Variants in SIRPB2 observed in about 807,000 individuals in gnomAD.
SIRPB2 encodes signal regulatory protein beta 2.
In SIRPB2, 18 loss-of-function variants were observed where a neutral mutation model predicts 27.1. The observed-to-expected ratio is 0.66, with a 90% confidence interval of 0.46 to 0.98. The LOEUF (loss-of-function observed/expected upper bound fraction) is 0.98, where lower values mean the gene tolerates loss of function less well. SIRPB2 is among the 50% of genes least tolerant of loss of function. The probability of loss-of-function intolerance (pLI) is 0.00; values close to 1 mark genes in which losing one functional copy is unlikely to be tolerated. For synonymous variants in SIRPB2, 150 were observed against 164.6 expected (o/e 0.91, Z 0.68); for missense variants, 420 against 417.4 (o/e 1.01, Z -0.06).
intron 4 of SIRPB2, 106 bp from the exon 5 acceptor site, chr20:1,476,442 T>C: frequency 8.7e-7 from 1 of 1,153,804 alleles, no homozygotes; most frequent in Non-Finnish European, 1.2e-6. Context: ...CTGTATAACC[T>C]CTGGAGCTGT....
At position 1,478,592 on chromosome 20, in the gene SIRPB2, T is replaced by C. The variant is rs1032856295; in HGVS notation, c.467A>G (p.Glu156Gly). ...SVLVKGAGDP[E>G]PDLWIIQPQE... ...GGGCTGGATGATCCACAGGTCTGGT[T>C]CAGGGTCCCCAGCTCCTGAAGCCAA... is the stretch of plus-strand genomic sequence containing the variant. The change falls in exon 3 of 5, where the codon GAA (glutamate) becomes GGA (glycine). Residue 156 changes from glutamate to glycine, a missense_variant. Coordinates refer to ENST00000359801, the MANE Select transcript of SIRPB2 (RefSeq NM_001122962.2). The C allele has an allele frequency of 1.3e-6, 2 of 1,578,838 alleles. No homozygotes were observed. The highest frequency in any genetic ancestry group is 2.7e-5 in the African/African-American group (2 of 73,686).
intron 1 of SIRPB2, among the ~76,000 whole-genome samples, chr20:1,481,154 A>G (rs1210903703): frequency 1.3e-5 from 2 of 152,084 alleles, no homozygotes; most frequent in Admixed American, 1.3e-4. Context: ...CTCAATTTTA[A>G]AAACTTCCCC....
chr20:1,477,477 G>T, intron 3 of SIRPB2, 74 bp from the exon 4 acceptor site: 1 of 1,540,462 alleles, frequency 6.5e-7, no homozygotes. Context: ...CCAGGAGCTG[G>T]GATCTCTGGG....
chr20:1,476,269 C>A lies in SIRPB2; in HGVS notation c.927G>T (p.Leu309=). ...GGCTCCTCCGAGAGGTAGCCAGGGC[C>A]AGTAGGAGTGCAGCCAAGGTAATTG... The part of the protein sequence containing the change: ...LKAITLAALL[L]ALATSRRSPG... The change falls in exon 5 of 5, where the codon CTG becomes CTT. Residue 309 remains leucine, a synonymous_variant. Coordinates refer to ENST00000359801, the MANE Select transcript of SIRPB2 (RefSeq NM_001122962.2). The A allele has an allele frequency of 6.2e-7, 1 of 1,613,964 alleles. No homozygotes were observed. The highest frequency in any genetic ancestry group is 8.5e-7 in the Non-Finnish European group (1 of 1,179,986).
At chr20:1,472,678 A>G (rs905980650), downstream of SIRPB2, 10 of 152,218 alleles carry the variant, frequency 6.6e-5, no homozygotes, top group Admixed American at 5.9e-4. Flanking sequence ...TGTTATTACC[A>G]GTTTATAGAC....
At chr20:1,477,155 G>A (rs767085617) in intron 4 of SIRPB2, 183 bp downstream of exon 4, 2 of 1,564,338 alleles carry the variant, frequency 1.3e-6, no homozygotes, top group African/African-American at 1.4e-5. Flanking sequence ...GTTCGTTATA[G>A]CTGAGCTGTT....
In SIRPB2 at chr20:1,491,241, G is replaced by T. The variant is rs567021993; in HGVS notation, c.85+34C>A. ...GCCCCTCTAGGGACTGACCAGCCGG[G>T]GGTGGACCCTGTTCTATCCTAGACC... On this transcript the variant is annotated intron_variant, in intron 1 of 4. Transcript: ENST00000359801. 6.3e-6 allele frequency: 10 copies of T among 1,585,198 alleles called. No homozygotes were observed. In the South Asian group the frequency reaches 9.1e-5, roughly 14 times the overall value.
chr20:1,490,502 A>G (rs1382880426), intron 1 of SIRPB2, among the ~76,000 whole-genome samples: 1 of 152,170 alleles, frequency 6.6e-6, no homozygotes, highest in Non-Finnish European at 1.5e-5. Flanking sequence ...AAGACTCTGG[A>G]GCTAACCTGG....
chr20:1,484,185 C>G (rs1448598122), intron 1 of SIRPB2, among the ~76,000 whole-genome samples: 1 of 152,012 alleles, frequency 6.6e-6, no homozygotes, highest in Non-Finnish European at 1.5e-5. Context: ...TCACCATATA[C>G]CAAAATCAAC....
chr20:1,476,620 A>G (rs888935766), intron 4 of SIRPB2: 13 of 666,454 alleles, frequency 2.0e-5, no homozygotes, highest in Middle Eastern at 7.5e-4. Flanking sequence ...CCTACAGTGT[A>G]GGATAGTGAT....
At chr20:1,490,070 T>C (rs2090763902) in intron 1 of SIRPB2, among the ~76,000 whole-genome samples, 1 of 152,150 alleles carries the variant, frequency 6.6e-6, no homozygotes, top group Non-Finnish European at 1.5e-5. Context: ...TCTATTCTAT[T>C]GCAACAATCA....
At chr20:1,471,766 G>A (rs1334189285), downstream of SIRPB2, among the ~76,000 whole-genome samples, 1 of 152,184 alleles carries the variant, frequency 6.6e-6, no homozygotes, top group Non-Finnish European at 1.5e-5. Flanking sequence ...GTTATAGGAA[G>A]CCCCTGTCAA....
intron 1 of SIRPB2, among the ~76,000 whole-genome samples, chr20:1,487,459 T>C (rs1421512209): frequency 1.8e-4 from 27 of 152,198 alleles, no homozygotes; most frequent in Non-Finnish European, 8.8e-5. Context: ...AAATCTAAAA[T>C]TTATAGAATA....
chr20:1,473,484 T>TCA (rs539015198), downstream of SIRPB2, among the ~76,000 whole-genome samples: 2 of 151,860 alleles, frequency 1.3e-5, no homozygotes, highest in African/African-American at 4.8e-5. Flanking sequence ...GCATGTGCGC[T>TCA]CACACACACA....
intron 1 of SIRPB2, among the ~76,000 whole-genome samples, chr20:1,484,578 C>T (rs2090707045): frequency 6.6e-6 from 1 of 151,872 alleles, no homozygotes; most frequent in Non-Finnish European, 1.5e-5. Flanking sequence ...ATACAAATGG[C>T]CAACAGGCAC....
In SIRPB2 at chr20:1,491,392, C is replaced by G; in HGVS notation, c.-33G>C. ...TCTGTGGTCCCCAAGACTTGGGGCT[C>G]CTCTGCTCTCTTGTGAGTGTTGGAG... On this transcript the variant is annotated 5_prime_UTR_variant, in exon 1 of 5. Coordinates refer to ENST00000359801, the MANE Select transcript of SIRPB2 (RefSeq NM_001122962.2). 2 of 1,585,610 alleles carry G rather than the reference C, an allele frequency of 1.3e-6. No individual in the cohort carries two copies. The highest frequency in any genetic ancestry group is 1.7e-6 in the Non-Finnish European group (2 of 1,166,876).
chr20:1,479,807 T>A lies in SIRPB2; in HGVS notation c.344A>T (p.His115Leu). The A allele has an allele frequency of 6.2e-7, 1 of 1,614,244 alleles. No individual in the cohort carries two copies. The highest frequency in any genetic ancestry group is 8.5e-7 in the Non-Finnish European group (1 of 1,180,046). The change falls in exon 2 of 5, where the codon CAC (histidine) becomes CTC (leucine). Residue 115 changes from histidine (H) to leucine (L), a missense_variant. Physicochemically the swap from His to Leu is moderately conservative, Grantham distance 99. Coordinates refer to ENST00000359801, the MANE Select transcript of SIRPB2 (RefSeq NM_001122962.2). ...TCCAGTGTGCTCCCTGGTGACATTG[T>A]GGATATAGATGGAATAATCACAATT... ...PLNCDYSIYI[H>L]NVTREHTGTY...
At chr20:1,481,593 A>G (rs2090671803) in intron 1 of SIRPB2, among the ~76,000 whole-genome samples, 1 of 152,156 alleles carries the variant, frequency 6.6e-6, no homozygotes. Flanking sequence ...GGAGAGTAAG[A>G]AGGTGAAGCA....
At chr20:1,476,649 G>A (rs993195027) in intron 4 of SIRPB2, 2 of 883,664 alleles carry the variant, frequency 2.3e-6, no homozygotes, top group East Asian at 1.2e-4. Context: ...TATAGATAAG[G>A]AGACAGACCC....
Sources: gnomAD v4.1 joint callset for allele counts (sites outside exome capture counted in the v4.1 genomes callset) on GRCh38, gnomAD v4.1.1 for gene constraint, MANE v1.5 for transcripts, NCBI Gene and HGNC (gene_info 2026-07-23, HGNC 2026-07-21) for gene names.